HRNR: variants seen among roughly 807,000 people sequenced by gnomAD.
HRNR encodes the protein hornerin.
A neutral mutation model predicts 4.8 loss-of-function variants in HRNR; 7 were observed. The ratio of observed to expected loss-of-function variants is 1.47; its 90% CI spans 0.83 to 2.75. HRNR has a LOEUF of 2.75. Among genes scored for constraint, HRNR ranks in the 30% most tolerant of loss-of-function variants. The pLI is 0.00. For synonymous variants in HRNR, 1,023 were observed against 1,242.7 expected (o/e 0.82, Z 3.72); for missense variants, 2,879 against 3,010.4 (o/e 0.96, Z 1.02).
Position 152,219,554 on chromosome 1 carries a change from C to T in HRNR, c.2075G>A (p.Gly692Glu). 1 of 1,612,204 alleles carries T rather than the reference C, an allele frequency of 6.2e-7. No individual in the cohort carries two copies. Among genetic ancestry groups the T allele is most frequent in the Non-Finnish European group, 8.5e-7 (1 of 1,179,538 alleles). Residue 692 changes from glycine to glutamate, a missense_variant, in exon 3 of 3, where the codon GGG becomes GAG. Around this residue, in one of 8 missense-constraint regions of HRNR, gnomAD observed 2,646 missense variants for 1,377.7 expected, o/e 1.92. Coordinates refer to ENST00000368801, the MANE Select transcript of HRNR (RefSeq NM_001009931.3). ...GCCGGAAGACTGGCCTGAGACAGACCCATGTGGGCCATTGCTTGAAGACCA... is the reference window on the plus strand; with the variant it reads ...GCCGGAAGACTGGCCTGAGACAGACTCATGTGGGCCATTGCTTGAAGACCA... ...SGWSSSNGPH[G>E]SVSGQSSGFG...
rs748726021 is a variant in HRNR, at chr1:152,220,022, C to T, written c.1607G>A (p.Gly536Glu). The change falls in exon 3 of 3, where the codon GGA becomes GAA. Residue 536 changes from glycine to glutamate, a missense_variant. Coordinates refer to ENST00000368801, the MANE Select transcript of HRNR (RefSeq NM_001009931.3). ...QSLGHSRHGS[G>E]SGQSPSPSRG... ...GCTAGGGCTAGGAGACTGGCCAGAT[C>T]CAGACCCATGTCGGCTGTGTCCCAA... is the stretch of plus-strand genomic sequence containing the variant. 2 of 1,614,012 alleles carry T rather than the reference C, an allele frequency of 1.2e-6. No homozygotes were observed. The highest frequency in any genetic ancestry group is 1.1e-5 in the South Asian group (1 of 91,074).
chr1:152,212,813 C>A lies in HRNR; in HGVS notation c.*263G>T, dbSNP rs957203166. On this transcript the variant is annotated 3_prime_UTR_variant, in exon 3 of 3. Transcript: ENST00000368801. The stretch of plus-strand genomic sequence containing the variant: ...AGCTCTTTAAAAGCTTTTCATTATT[C>A]CTCAAAGTTTAACCCTCATTCTAAC... The A allele has an allele frequency of 7.6e-6, 4 of 522,968 alleles. No individual in the cohort carries two copies. Among genetic ancestry groups the A allele is most frequent in the African/African-American group, 5.8e-5 (3 of 52,166 alleles). The allele number at this position is 522,968 out of a possible 1,614,324, so 32.4% of individuals were successfully genotyped here.
chr1:152,212,422 A>C lies in HRNR; in HGVS notation c.*654T>G, dbSNP rs1280517375. 6.6e-6 allele frequency: 1 copy of C among 152,410 alleles called. No individual in the cohort carries two copies. The highest frequency in any genetic ancestry group is 2.4e-5 in the African/African-American group (1 of 41,436). The allele number at this position is 152,410 out of a possible 1,614,324, so 9.4% of individuals were successfully genotyped here. ...AATGATAAATCCCTATTCTTTATGA[A>C]ATAATGCTCTTGCTCACTGGCTTGG... On this transcript the variant is annotated 3_prime_UTR_variant, in exon 3 of 3. Transcript: ENST00000368801.
rs180984256 is a variant in HRNR at position 152,223,447 on chromosome 1, T to C, written c.-25-169A>G. Among the ~76,000 whole-genome samples the C allele has an allele frequency of 2.9e-3, 443 of 152,328 alleles. 1 individual carries two copies. Among genetic ancestry groups the C allele is most frequent in the African/African-American group, 0.01 (420 of 41,580 alleles). On this transcript the variant is annotated intron_variant, in intron 1 of 2. Coordinates refer to ENST00000368801, the MANE Select transcript of HRNR (RefSeq NM_001009931.3). ...AGAGTTGAATGACTTGTTCAAGCCA[T>C]GTAGCAAGAGAGTGATGAAATTAGG...
At position 152,218,798 on chromosome 1, in the gene HRNR, T is replaced by C. The variant is rs1187417514; in HGVS notation, c.2831A>G (p.Tyr944Cys). 1.9e-6 allele frequency: 3 copies of C among 1,612,966 alleles called. No homozygotes were observed. The highest frequency in any genetic ancestry group is 4.5e-5 in the East Asian group (2 of 44,712). ...HKSSSGQSSG[Y>C]TQHGSGSGHS... ...ACCTGAGCCAGATCCATGCTGAGTGTAACCAGAGGACTGCCCTGAGCTAGA... is the reference window on the plus strand; with the variant it reads ...ACCTGAGCCAGATCCATGCTGAGTGCAACCAGAGGACTGCCCTGAGCTAGA... Residue 944 changes from tyrosine (Y) to cysteine (C), a missense_variant, in exon 3 of 3, where the codon TAC becomes TGC. Around this residue, in one of 8 missense-constraint regions of HRNR, gnomAD observed 2,646 missense variants for 1,377.7 expected, o/e 1.92. Transcript: ENST00000368801.
At position 152,218,907 on chromosome 1, in the gene HRNR, G is replaced by T. The variant is rs148651006; in HGVS notation, c.2722C>A (p.Arg908=). Reference sequence around the variant, plus strand: ...GACCGACCGGAGCCAGACCCATGTCGGCCATAGCTGGGAGACTGCCCTGAC... The same window carrying T: ...GACCGACCGGAGCCAGACCCATGTCTGCCATAGCTGGGAGACTGCCCTGAC... The part of the protein sequence containing the change: ...SGSGQSPSYG[R]HGSGSGRSSS... The change falls in exon 3 of 3, where the codon CGA becomes AGA. Residue 908 remains arginine, a synonymous_variant. Coordinates refer to ENST00000368801, the MANE Select transcript of HRNR (RefSeq NM_001009931.3). 7.7e-5 allele frequency: 125 copies of T among 1,613,794 alleles called. No homozygotes were observed. In the African/African-American group the frequency reaches 1.6e-3, roughly 21 times the overall value.
At position 152,218,962 on chromosome 1, in the gene HRNR, C is replaced by A. The variant is rs771978471; in HGVS notation, c.2667G>T (p.Gln889His). 1.2e-6 allele frequency: 2 copies of A among 1,613,702 alleles called. No homozygotes were observed. ...GRGRHGSGSG[Q>H]SPGHGQRGSG... ...ACCCACGCTGGCCGTGGCCTGGAGACTGGCCAGATCCAGAGCCATGTCGGC... is the reference window on the plus strand; with the variant it reads ...ACCCACGCTGGCCGTGGCCTGGAGAATGGCCAGATCCAGAGCCATGTCGGC... The change falls in exon 3 of 3, where the codon CAG (glutamine) becomes CAT (histidine). Residue 889 changes from glutamine to histidine, a missense_variant. By Grantham distance (24) the Gln-to-His change is conservative. This residue lies in a region of HRNR where 2,646 missense variants were observed against 1,377.7 expected (regional missense o/e 1.92). Coordinates refer to ENST00000368801, the MANE Select transcript of HRNR (RefSeq NM_001009931.3).
At position 152,220,238 on chromosome 1, in the gene HRNR, C is replaced by A. The variant is rs745833259; in HGVS notation, c.1391G>T (p.Gly464Val). ...PYVSGSGYSSGFGHHESSSEH... is the reference protein window; with the variant it reads ...PYVSGSGYSSVFGHHESSSEH... ...TGAGCTAGACTCGTGGTGACCAAAG[C>A]CAGAAGAGTAGCCTGAACCAGACAC... Residue 464 changes from glycine to valine, a missense_variant, in exon 3 of 3, where the codon GGC (glycine) becomes GTC (valine). Gly to Val is a moderately radical substitution (Grantham distance 109). Transcript: ENST00000368801. The A allele has an allele frequency of 1.2e-6, 2 of 1,613,414 alleles. No homozygotes were observed. The highest frequency in any genetic ancestry group is 1.7e-6 in the Non-Finnish European group (2 of 1,179,666).
At position 152,213,102 on chromosome 1, in the gene HRNR, C is replaced by T. The variant is rs779129401; in HGVS notation, c.8527G>A (p.Glu2843Lys). The T allele has an allele frequency of 4.3e-6, 7 of 1,613,640 alleles. No individual in the cohort carries two copies. The South Asian group carries it at 7.7e-5, about 18-fold the overall frequency. ...SSTSPYEYVQ[E>K]QRCYFYQ ...CACTGATAAAAGTAGCACCTCTGCT[C>T]TTGGACATATTCATAGGGTGAAGTG... Residue 2843 changes from glutamate to lysine, a missense_variant, in exon 3 of 3, where the codon GAG becomes AAG. By Grantham distance (56) the Glu-to-Lys change is moderately conservative. Coordinates refer to ENST00000368801, the MANE Select transcript of HRNR (RefSeq NM_001009931.3).
In HRNR at chr1:152,217,533, C is replaced by A; in HGVS notation, c.4096G>T (p.Gly1366Trp). Residue 1366 changes from glycine (G) to tryptophan (W), a missense_variant, in exon 3 of 3, where the codon GGG becomes TGG. By Grantham distance (184) the Gly-to-Trp change is radical. Transcript: ENST00000368801. ...CTGGAAGAGTGCCCAGAACCGGACC[C>A]ATGTCGGCCGCGACTAGGAGACTGG... Reference protein sequence around the residue: ...SGQSPSRGRHGSGSGHSSSYG... With the variant: ...SGQSPSRGRHWSGSGHSSSYG... 1 of 42,158 alleles carries A rather than the reference C, an allele frequency of 2.4e-5. No individual in the cohort carries two copies. The highest frequency in any genetic ancestry group is 8.7e-5 in the Non-Finnish European group (1 of 11,454). 2.6% of individuals were successfully genotyped at this position (42,158 alleles called of 1,614,324 possible). A position where few individuals can be genotyped will look rare whatever the true frequency, so the allele number is the denominator to read the frequency against.
Position 152,212,281 on chromosome 1 carries a change from T to A in HRNR, c.*795A>T, listed in dbSNP as rs1411753405. Reference sequence around the variant, plus strand: ...GTAGGTGGAAAGCATTGTATTTCCATGGAATAACTCCTCAATATATTTCCC... The same window carrying A: ...GTAGGTGGAAAGCATTGTATTTCCAAGGAATAACTCCTCAATATATTTCCC... On this transcript the variant is annotated 3_prime_UTR_variant, in exon 3 of 3. Transcript: ENST00000368801. The A allele has an allele frequency of 2.0e-5, 3 of 152,158 alleles. No homozygotes were observed. Among genetic ancestry groups the A allele is most frequent in the Non-Finnish European group, 4.4e-5 (3 of 68,042 alleles). The allele number at this position is 152,158 out of a possible 1,614,324, so 9.4% of individuals were successfully genotyped here.
In HRNR at chr1:152,220,797, C is replaced by A. The variant is rs775834211; in HGVS notation, c.832G>T (p.Gly278Cys). Residue 278 changes from glycine to cysteine, a missense_variant, in exon 3 of 3, where the codon GGT becomes TGT. By Grantham distance (159) the Gly-to-Cys change is radical (BLOSUM62 -3). Transcript: ENST00000368801. ...TGCTGACCATAGCTGGAAGACGAAC[C>A]TGAGCTAGATCTGTGTCGTTCACCC... Reference protein sequence around the residue: ...SRGERHRSSSGSSSSYGQHGS... With the variant: ...SRGERHRSSSCSSSSYGQHGS... 1.2e-6 allele frequency: 2 copies of A among 1,613,936 alleles called. No homozygotes were observed. Among genetic ancestry groups the A allele is most frequent in the Non-Finnish European group, 1.7e-6 (2 of 1,180,010 alleles).
chr1:152,221,101 A>T lies in HRNR; in HGVS notation c.528T>A (p.Ser176=). The T allele has an allele frequency of 1.2e-6, 2 of 1,614,212 alleles. No homozygotes were observed. Among genetic ancestry groups the T allele is most frequent in the Non-Finnish European group, 1.7e-6 (2 of 1,180,022 alleles). Residue 176 remains serine (S), a synonymous_variant, in exon 3 of 3, where the codon TCT becomes TCA. Coordinates refer to ENST00000368801, the MANE Select transcript of HRNR (RefSeq NM_001009931.3). ...SGQHNSYSGQ[S]SSYGEQNSDS... Reference sequence around the variant, plus strand: ...CGGAGTTTTGCTCACCATAGCTGGAAGACTGACCTGAGTAGGAGTTATGTT... The same window carrying T: ...CGGAGTTTTGCTCACCATAGCTGGATGACTGACCTGAGTAGGAGTTATGTT...
chr1:152,213,203 C>T lies in HRNR; in HGVS notation c.8426G>A (p.Gly2809Glu). 2 of 1,614,152 alleles carry T rather than the reference C, an allele frequency of 1.2e-6. No individual in the cohort carries two copies. Among genetic ancestry groups the T allele is most frequent in the Non-Finnish European group, 1.7e-6 (2 of 1,180,046 alleles). ...ACTTCCTCCTTTGCAATAAGAATACCCATCTTGCCCTGAGCCACTTCCATG... is the reference window on the plus strand; with the variant it reads ...ACTTCCTCCTTTGCAATAAGAATACTCATCTTGCCCTGAGCCACTTCCATG... The part of the protein sequence containing the change: ...SQHGSGSGQD[G>E]YSYCKGGSNH... The change falls in exon 3 of 3, where the codon GGG (glycine) becomes GAG (glutamate). Residue 2809 changes from glycine to glutamate, a missense_variant. Transcript: ENST00000368801.
In HRNR at chr1:152,213,169, A is replaced by G. The variant is rs148710366; in HGVS notation, c.8460T>C (p.Asp2820=). Residue 2820 remains aspartate, a synonymous_variant, in exon 3 of 3, where the codon GAT becomes GAC. Transcript: ENST00000368801. ...GAAAATATGAGCCAGAACTTCCCCC[A>G]TCATGGTTACTTCCTCCTTTGCAAT... The part of the protein sequence containing the change: ...YSYCKGGSNH[D]GGSSGSYFLS... 87 of 1,614,078 alleles carry G rather than the reference A, an allele frequency of 5.4e-5. No homozygotes were observed. In the African/African-American group the frequency reaches 1.0e-3, roughly 19 times the overall value.
At position 152,213,163 on chromosome 1, in the gene HRNR, TC is replaced by T. The variant is rs775272143; in HGVS notation, c.8465del (p.Gly2822GlufsTer31). 3.7e-6 allele frequency: 6 copies of T among 1,614,002 alleles called. No homozygotes were observed. The highest frequency in any genetic ancestry group is 4.2e-6 in the Non-Finnish European group (5 of 1,180,024). On this transcript the variant is annotated frameshift_variant, in exon 3 of 3. Transcript: ENST00000368801. LOFTEE classifies it low-confidence loss of function (END_TRUNC). ...AACTGAGAAAATATGAGCCAGAACTTCCCCCATCATGGTTACTTCCTCCTTT... is the reference window on the plus strand; with the variant it reads ...AACTGAGAAAATATGAGCCAGAACTTCCCCATCATGGTTACTTCCTCCTTT... ...YCKGGSNHDG[G>X]SSGSYFLSFP...
chr1:152,212,910 C>G lies in HRNR; in HGVS notation c.*166G>C. 3.2e-6 allele frequency: 3 copies of G among 931,146 alleles called. No homozygotes were observed. Among genetic ancestry groups the G allele is most frequent in the Non-Finnish European group, 4.7e-6 (3 of 637,382 alleles). The allele number at this position is 931,146 out of a possible 1,614,324, so 57.7% of individuals were successfully genotyped here. On this transcript the variant is annotated 3_prime_UTR_variant, in exon 3 of 3. Coordinates refer to ENST00000368801, the MANE Select transcript of HRNR (RefSeq NM_001009931.3). ...ACAGTCTTTGGAAGGAACCCCATAA[C>G]AAGATATATGCTACAGTTTTAGGCT...
In HRNR at chr1:152,219,362, C is replaced by T. The variant is rs1199815533; in HGVS notation, c.2267G>A (p.Gly756Glu). Residue 756 changes from glycine (G) to glutamate (E), a missense_variant, in exon 3 of 3, where the codon GGG becomes GAG. Gly to Glu is a moderately conservative substitution (Grantham distance 98). This residue lies in a region of HRNR where 2,646 missense variants were observed against 1,377.7 expected (regional missense o/e 1.92). Coordinates refer to ENST00000368801, the MANE Select transcript of HRNR (RefSeq NM_001009931.3). Reference sequence around the variant, plus strand: ...GCCCGAAGATTGATGGGAGCCCGACCCATGCTGACCATAGCTGGAAGACAA... The same window carrying T: ...GCCCGAAGATTGATGGGAGCCCGACTCATGCTGACCATAGCTGGAAGACAA... ...SGLSSSYGQH[G>E]SGSHQSSGHG... The T allele has an allele frequency of 1.2e-6, 2 of 1,612,958 alleles. No individual in the cohort carries two copies. Among genetic ancestry groups the T allele is most frequent in the South Asian group, 1.1e-5 (1 of 91,032 alleles).
rs757250831 is a variant in HRNR, at chr1:152,219,224, G to A, written c.2405C>T (p.Ser802Phe). 1.2e-6 allele frequency: 2 copies of A among 1,613,932 alleles called. No individual in the cohort carries two copies. The highest frequency in any genetic ancestry group is 2.2e-5 in the South Asian group (2 of 91,070). ...GQHGSGTSCS[S>F]SCGHYESGSG... ...GCCAGACTCATAATGGCCACAGCTGGAAGAACAACTTGTGCCAGACCCGTG... is the reference window on the plus strand; with the variant it reads ...GCCAGACTCATAATGGCCACAGCTGAAAGAACAACTTGTGCCAGACCCGTG... The change falls in exon 3 of 3, where the codon TCC becomes TTC. Residue 802 changes from serine (S) to phenylalanine (F), a missense_variant. Ser to Phe is a radical substitution (Grantham distance 155, BLOSUM62 -2). Coordinates refer to ENST00000368801, the MANE Select transcript of HRNR (RefSeq NM_001009931.3).
Sources: gnomAD v4.1 joint callset for allele counts (sites outside exome capture counted in the v4.1 genomes callset) on GRCh38, gnomAD v4.1.1 for gene constraint, gnomAD v4.1.1 regional missense constraint, MANE v1.5 for transcripts, NCBI Gene and HGNC (gene_info 2026-07-23, HGNC 2026-07-21) for gene names.